The following NKAIN2 variants were observed in gnomAD, a reference collection of about 807,000 sequenced individuals.
The protein encoded by NKAIN2 is sodium/potassium transporting ATPase interacting 2, also known as sodium/potassium-transporting ATPase subunit beta-1-interacting protein 2.
Under a neutral mutation model 32.6 loss-of-function variants are expected in NKAIN2, and 14 were observed. That is an observed-to-expected ratio of 0.43 (90% confidence interval 0.28 to 0.67). NKAIN2 has a LOEUF of 0.67. Among genes scored for constraint, NKAIN2 ranks in the 30% least tolerant of loss-of-function variants. NKAIN2 has a pLI of 0.17. For synonymous variants in NKAIN2, 80 were observed against 87.2 expected, an observed-to-expected ratio of 0.92 and a Z score of 0.46; for missense variants, 198 against 258.3, an observed-to-expected ratio of 0.77 and a Z score of 1.60.
chr6:124,414,869 T>A (rs1002539977), intron 3 of NKAIN2, among the ~76,000 whole-genome samples: 1 of 152,174 alleles, frequency 6.6e-6, no homozygotes, highest in African/African-American at 2.4e-5. Context: ...GTTAACTTGC[T>A]AATTTTAAAT....
intron 1 of NKAIN2, among the ~76,000 whole-genome samples, chr6:124,278,592 A>G (rs1003845204): frequency 1.2e-4 from 18 of 146,560 alleles, no homozygotes; most frequent in Non-Finnish European, 2.5e-4. Flanking sequence ...TAGCTTATAT[A>G]CATATATATA....
At chr6:124,605,050 A>G (rs951306101) in intron 3 of NKAIN2, among the ~76,000 whole-genome samples, 3 of 152,074 alleles carry the variant, frequency 2.0e-5, no homozygotes, top group Non-Finnish European at 4.4e-5. Context: ...AAACACATAA[A>G]GAAACCCTTT....
chr6:124,031,884 T>TA (rs1323776661), intron 1 of NKAIN2, among the ~76,000 whole-genome samples: 1 of 152,084 alleles, frequency 6.6e-6, no homozygotes, highest in Admixed American at 6.6e-5. Context: ...GAACTAGAAA[T>TA]ACCATTTGAC....
chr6:124,110,508 G>A (rs1452083374), intron 1 of NKAIN2, among the ~76,000 whole-genome samples: 4 of 152,000 alleles, frequency 2.6e-5, no homozygotes, highest in Admixed American at 2.0e-4. Flanking sequence ...TGTGTGATGA[G>A]CATAATAACC....
chr6:124,196,082 C>T (rs1299769850), intron 1 of NKAIN2, among the ~76,000 whole-genome samples: 1 of 152,078 alleles, frequency 6.6e-6, no homozygotes, highest in Non-Finnish European at 1.5e-5. Context: ...TTCTTTCCAA[C>T]AAACTAGTGA....
At chr6:124,383,914 C>T (rs1017884504) in intron 3 of NKAIN2, among the ~76,000 whole-genome samples, 1 of 152,148 alleles carries the variant, frequency 6.6e-6, no homozygotes, top group Admixed American at 6.6e-5. Flanking sequence ...TTCTCTGTTT[C>T]TCTGACTCTC....
chr6:124,545,119 T>A (rs532525598), intron 3 of NKAIN2, among the ~76,000 whole-genome samples: 1 of 152,312 alleles, frequency 6.6e-6, no homozygotes, highest in Admixed American at 6.5e-5. Context: ...CTCAACTGAA[T>A]TGCCTCCAGA....
intron 1 of NKAIN2, among the ~76,000 whole-genome samples, chr6:124,028,812 CGTATATGTGTATATATATACATATATAT>C (rs1562317174): frequency 7.2e-6 from 1 of 139,416 alleles, no homozygotes; most frequent in East Asian, 2.2e-4. Context: ...CGTATATATA[CGTATATGTGTATATATATACATATATAT>C]GTATATATGT....
intron 1 of NKAIN2, among the ~76,000 whole-genome samples, chr6:123,942,336 G>A (rs1317778375): frequency 1.3e-5 from 2 of 151,928 alleles, no homozygotes; most frequent in African/African-American, 4.8e-5. Flanking sequence ...AAGAGTTAAA[G>A]AGTTAAAGAG....
rs1018346631 is a variant in NKAIN2, at chr6:124,083,935, T to A, written c.55-199070T>A. ...AGCAGGAAACTAAAGAGGGGACAGATTAAAAATGACTCACAATATATAACA... is the reference window on the plus strand; with the variant it reads ...AGCAGGAAACTAAAGAGGGGACAGAATAAAAATGACTCACAATATATAACA... On this transcript the variant is annotated intron_variant, in intron 1 of 6. Coordinates refer to ENST00000368417, the MANE Select transcript of NKAIN2 (RefSeq NM_001040214.3). Among the ~76,000 whole-genome samples the A allele has an allele frequency of 3.3e-5, 5 of 151,948 alleles. No homozygotes were observed. The South Asian group carries it at 1.0e-3, about 31-fold the overall frequency.
intron 1 of NKAIN2, among the ~76,000 whole-genome samples, chr6:124,040,530 TA>T (rs2114808222): frequency 6.6e-6 from 1 of 152,196 alleles, no homozygotes; most frequent in Non-Finnish European, 1.5e-5. Context: ...GAAGACATTT[TA>T]ATTTTTGTTG....
intron 1 of NKAIN2, among the ~76,000 whole-genome samples, chr6:124,231,216 TC>T (rs1187548560): frequency 6.6e-6 from 1 of 152,156 alleles, no homozygotes; most frequent in African/African-American, 2.4e-5. Context: ...TTTTGACCAA[TC>T]TCCCATTTGG....
chr6:124,157,754 A>G (rs1441943836), intron 1 of NKAIN2, among the ~76,000 whole-genome samples: 1 of 152,156 alleles, frequency 6.6e-6, no homozygotes, highest in Non-Finnish European at 1.5e-5. Context: ...ATTCTCTTAG[A>G]TTGTTTATGT....
intron 1 of NKAIN2, among the ~76,000 whole-genome samples, chr6:124,059,700 G>T (rs1271425753): frequency 1.3e-5 from 2 of 152,106 alleles, no homozygotes; most frequent in East Asian, 3.9e-4. Context: ...TTCACATCCT[G>T]AGCTTCCATT....
chr6:124,746,485 A>C, intron 4 of NKAIN2, among the ~76,000 whole-genome samples: 1 of 151,996 alleles, frequency 6.6e-6, no homozygotes, highest in Admixed American at 6.6e-5. Context: ...TTATTAAAAT[A>C]ATAGCAGGAG....
rs1779405528 is a variant in NKAIN2 at position 124,528,590 on chromosome 6, C to G, written c.274-129596C>G. Among the ~76,000 whole-genome samples the G allele has an allele frequency of 2.6e-5, 4 of 152,090 alleles. No homozygotes were observed. In the South Asian group the frequency reaches 8.3e-4, roughly 31 times the overall value. On this transcript the variant is annotated intron_variant, in intron 3 of 6. Coordinates refer to ENST00000368417, the MANE Select transcript of NKAIN2 (RefSeq NM_001040214.3). ...ACATATAGAGAAATATGATCAAGTC[C>G]TTGGTGTAGCAATTTTCTTCAGAAT... is the stretch of plus-strand genomic sequence containing the variant.
At chr6:124,099,307 A>G (rs1273066730) in intron 1 of NKAIN2, among the ~76,000 whole-genome samples, 1 of 152,198 alleles carries the variant, frequency 6.6e-6, no homozygotes, top group Non-Finnish European at 1.5e-5. Flanking sequence ...GATTAGAAGT[A>G]TCAGGAATTT....
intron 1 of NKAIN2, among the ~76,000 whole-genome samples, chr6:123,900,532 G>GTT (rs34370743): frequency 0.021 from 694 of 32,760 alleles, 293 homozygotes; most frequent in East Asian, 0.054. Flanking sequence ...CTCCAGATTA[G>GTT]TTTTTTTTTT....
chr6:124,055,901 G>T (rs1764654405), intron 1 of NKAIN2, among the ~76,000 whole-genome samples: 1 of 152,062 alleles, frequency 6.6e-6, no homozygotes. Flanking sequence ...GATGTGGTGA[G>T]ATTTAACTAA....
Sources: allele counts gnomAD v4.1 joint callset (sites outside exome capture counted in the v4.1 genomes callset), GRCh38; gene constraint gnomAD v4.1.1; transcripts MANE v1.5; gene names NCBI Gene and HGNC (gene_info 2026-07-23, HGNC 2026-07-21).